The following CNTNAP2 variants were observed in gnomAD, a reference collection of about 807,000 sequenced individuals.
The protein encoded by CNTNAP2 is contactin-associated protein-like 2.
In CNTNAP2, 98 loss-of-function variants were observed where a neutral mutation model predicts 155.2. The observed-to-expected ratio is 0.63, with a 90% CI of 0.54 to 0.75. CNTNAP2 has a LOEUF of 0.75. Ranked by LOEUF, CNTNAP2 falls within the 30% of genes least tolerant of loss-of-function variation. CNTNAP2 has a pLI of 0.00. For synonymous variants in CNTNAP2, 651 were observed against 631.2 expected, an observed-to-expected ratio of 1.03 and a Z score of -0.47; for missense variants, 1,727 against 1,688.1, an observed-to-expected ratio of 1.02 and a Z score of -0.40.
At chr7:146,518,594 G>C (rs976613199) in intron 1 of CNTNAP2, among the ~76,000 whole-genome samples, 1 of 151,586 alleles carries the variant, frequency 6.6e-6, no homozygotes, top group Non-Finnish European at 1.5e-5. Context: ...ACTTTTTTTT[G>C]AGAGAGGAAA....
intron 15 of CNTNAP2, among the ~76,000 whole-genome samples, chr7:147,980,276 A>T (rs1801498813): frequency 6.6e-6 from 1 of 152,064 alleles, no homozygotes; most frequent in Non-Finnish European, 1.5e-5. Flanking sequence ...TTTAAAAAAG[A>T]GAAAATGAGA....
At chr7:148,364,856 G>A (rs927698616) in intron 21 of CNTNAP2, among the ~76,000 whole-genome samples, 1 of 152,140 alleles carries the variant, frequency 6.6e-6, no homozygotes, top group African/African-American at 2.4e-5. Context: ...TTCACTCTTT[G>A]CAATAAATCT....
chr7:146,806,332 T>C (rs1366653571), intron 2 of CNTNAP2, among the ~76,000 whole-genome samples: 1 of 145,954 alleles, frequency 6.9e-6, no homozygotes, highest in African/African-American at 2.6e-5. Context: ...CTCTACTAAA[T>C]ACAAAAAAAA....
chr7:147,083,831 CAT>C (rs1800200767), intron 4 of CNTNAP2, among the ~76,000 whole-genome samples: 1 of 139,720 alleles, frequency 7.2e-6, no homozygotes, highest in African/African-American at 2.6e-5. Flanking sequence ...TACATATACA[CAT>C]GTATGTACAT....
intron 8 of CNTNAP2, among the ~76,000 whole-genome samples, chr7:147,242,376 A>G (rs912817461): frequency 6.6e-6 from 1 of 152,222 alleles, no homozygotes; most frequent in Admixed American, 6.5e-5. Context: ...CCATGCACCC[A>G]GAACTCTGTA....
chr7:147,748,283 C>T (rs1343728187), intron 13 of CNTNAP2, among the ~76,000 whole-genome samples: 2 of 152,150 alleles, frequency 1.3e-5, no homozygotes, highest in Non-Finnish European at 2.9e-5. Context: ...TCTTAAGTCA[C>T]TCCAAGGTCA....
chr7:146,706,476 A>G (rs1800967751), intron 1 of CNTNAP2, among the ~76,000 whole-genome samples: 1 of 152,184 alleles, frequency 6.6e-6, no homozygotes. Context: ...TACAATCTGA[A>G]TAATGAATGT....
chr7:147,650,739 G>C (rs1795437354), intron 13 of CNTNAP2, among the ~76,000 whole-genome samples: 1 of 152,152 alleles, frequency 6.6e-6, no homozygotes, highest in Non-Finnish European at 1.5e-5. Context: ...CAAAGATGTA[G>C]GTCAATTTTT....
chr7:146,943,189 A>G (rs1383527789), intron 3 of CNTNAP2, among the ~76,000 whole-genome samples: 1 of 152,202 alleles, frequency 6.6e-6, no homozygotes, highest in Non-Finnish European at 1.5e-5. Flanking sequence ...TGTATTATAT[A>G]CTGTATTCTT....
intron 13 of CNTNAP2, among the ~76,000 whole-genome samples, chr7:147,732,041 T>C (rs1184781178): frequency 6.6e-6 from 1 of 151,738 alleles, no homozygotes; most frequent in Non-Finnish European, 1.5e-5. Flanking sequence ...TTGGTTTCTT[T>C]TTTTTTATTA....
chr7:146,737,173 A>G (rs1801635247), intron 1 of CNTNAP2, among the ~76,000 whole-genome samples: 1 of 152,132 alleles, frequency 6.6e-6, no homozygotes, highest in Admixed American at 6.5e-5. Context: ...TAACAGGCAA[A>G]ATGTATTTAT....
intron 1 of CNTNAP2, among the ~76,000 whole-genome samples, chr7:146,614,173 C>A (rs1317085135): frequency 6.6e-6 from 1 of 152,080 alleles, no homozygotes; most frequent in Non-Finnish European, 1.5e-5. Context: ...CTTTTATTTT[C>A]TGCTAATGAC....
intron 3 of CNTNAP2, among the ~76,000 whole-genome samples, chr7:146,977,318 A>C (rs906726101): frequency 4.6e-5 from 7 of 152,172 alleles, no homozygotes; most frequent in African/African-American, 1.4e-4. Flanking sequence ...GGAGACATAA[A>C]GATACCATAT....
At chr7:148,080,469 G>C (rs1803574253) in intron 15 of CNTNAP2, among the ~76,000 whole-genome samples, 1 of 151,874 alleles carries the variant, frequency 6.6e-6, no homozygotes, top group Admixed American at 6.6e-5. Flanking sequence ...AGCCTGGCGT[G>C]GTGGCGGCGC....
chr7:147,566,421 A>T (rs1339602295), intron 12 of CNTNAP2, among the ~76,000 whole-genome samples: 2 of 151,792 alleles, frequency 1.3e-5, no homozygotes, highest in African/African-American at 4.8e-5. Context: ...GCTGCTATAA[A>T]GAACTTCCCT....
chr7:146,612,164 T>C (rs1248647355), intron 1 of CNTNAP2, among the ~76,000 whole-genome samples: 1 of 152,160 alleles, frequency 6.6e-6, no homozygotes, highest in East Asian at 1.9e-4. Context: ...GAGCCTAGAA[T>C]AATCCCTAGT....
intron 13 of CNTNAP2, among the ~76,000 whole-genome samples, chr7:147,801,997 G>T (rs1477572038): frequency 6.6e-6 from 1 of 151,168 alleles, no homozygotes; most frequent in Admixed American, 6.6e-5. Flanking sequence ...CTGCCGGGCG[G>T]AGACGCTCCT....
At chr7:146,931,689 G>A (rs1246613299) in intron 3 of CNTNAP2, among the ~76,000 whole-genome samples, 1 of 149,002 alleles carries the variant, frequency 6.7e-6, no homozygotes, top group Non-Finnish European at 1.5e-5. Context: ...TAGACCGCTA[G>A]CAAGACTAAT....
intron 1 of CNTNAP2, among the ~76,000 whole-genome samples, chr7:146,477,463 A>G (rs1458688369): frequency 1.3e-5 from 2 of 152,100 alleles, no homozygotes; most frequent in South Asian, 2.1e-4. Context: ...TAGCATAGAG[A>G]TTTGTTACAA....
Sources: allele counts gnomAD v4.1 joint callset (sites outside exome capture counted in the v4.1 genomes callset), GRCh38; gene constraint gnomAD v4.1.1; transcripts MANE v1.5; gene names NCBI Gene and HGNC (gene_info 2026-07-23, HGNC 2026-07-21).